Variants in TAF5L observed in about 807,000 individuals in gnomAD.
TAF5L encodes TATA-box binding protein associated factor 5 like.
A neutral mutation model predicts 51.3 loss-of-function variants in TAF5L; 7 were observed. The observed-to-expected ratio is 0.14, with a 90% confidence interval of 0.08 to 0.26. The LOEUF (loss-of-function observed/expected upper bound fraction) is 0.26, where lower values mean the gene tolerates loss of function less well. TAF5L is among the 10% of genes least tolerant of loss of function. TAF5L has a pLI of 1.00. For synonymous variants in TAF5L, 291 were observed against 308.1 expected (o/e 0.94, Z 0.58); for missense variants, 575 against 758.9 (o/e 0.76, Z 2.85).
intron 1 of TAF5L, among the ~76,000 whole-genome samples, chr1:229,622,048 T>C (rs1411351201): frequency 1.3e-5 from 2 of 149,014 alleles, no homozygotes. Flanking sequence ...TATCTATCTA[T>C]CTATCTATCT....
chr1:229,613,329 C>CAAA (rs567436350), intron 2 of TAF5L, among the ~76,000 whole-genome samples: 17 of 84,524 alleles, frequency 2.0e-4, no homozygotes, highest in African/African-American at 5.4e-4. Context: ...GACTCTGTCT[C>CAAA]AAAAAAAAAA....
At chr1:229,610,051 G>A (rs1324318657) in intron 3 of TAF5L, 55 bp downstream of exon 3, 1 of 1,487,048 alleles carries the variant, frequency 6.7e-7, no homozygotes, top group African/African-American at 1.4e-5. Flanking sequence ...GCCCAAAGTT[G>A]GTCTGTATTA....
intron 4 of TAF5L, 45 bp from the exon 5 acceptor site, chr1:229,595,139 A>G (rs1664072203): frequency 2.0e-6 from 3 of 1,528,294 alleles, no homozygotes; most frequent in South Asian, 2.6e-5. Flanking sequence ...CACACAAAAA[A>G]TGTTCAGTGG....
chr1:229,606,297 T>G, intron 3 of TAF5L: 1 of 831,246 alleles, frequency 1.2e-6, no homozygotes, highest in African/African-American at 1.8e-5. Flanking sequence ...ACTCTGTATT[T>G]TACTGAAAGT....
At chr1:229,597,967 G>A (rs1205136572) in intron 4 of TAF5L, among the ~76,000 whole-genome samples, 2 of 152,084 alleles carry the variant, frequency 1.3e-5, no homozygotes, top group African/African-American at 2.4e-5. Flanking sequence ...CTTGGGGTCT[G>A]GAATTTAGCC....
intron 4 of TAF5L, among the ~76,000 whole-genome samples, chr1:229,595,637 C>T (rs180859899): frequency 1.6e-4 from 25 of 152,172 alleles, no homozygotes; most frequent in Middle Eastern, 3.4e-3. Context: ...ATGGACACAG[C>T]GACACATGAA....
chr1:229,594,132 CGACACTGGGG>C lies in TAF5L; in HGVS notation c.*155_*164del. The C allele has an allele frequency of 1.3e-6, 1 of 774,064 alleles. No homozygotes were observed. The highest frequency in any genetic ancestry group is 1.9e-5 in the South Asian group (1 of 53,084). The allele number at this position is 774,064 out of a possible 1,614,324, so 47.9% of individuals were successfully genotyped here. The stretch of plus-strand genomic sequence containing the variant: ...TGTTCCCCTCCCCAACCTTGGCCTT[CGACACTGGGG>C]GGCTGAGTGAAGGGGGACCTGCCCG... On this transcript the variant is annotated 3_prime_UTR_variant, in exon 5 of 5. Coordinates refer to ENST00000258281, the Ensembl canonical transcript of TAF5L. This position sits in a 1 kb window ranked among gnomAD's most constrained non-coding sequence, Gnocchi z 7.9.
Position 229,602,503 on chromosome 1 carries a change from C to A in TAF5L, c.664G>T (p.Gly222Cys). ...CTGGGCATGTCGGGGGGCTCCAAAC[C>A]GTTGTTCTCACTGCGGGAGGAGCTG... is the stretch of plus-strand genomic sequence containing the variant. The change falls in exon 4 of 5, where the codon GGT (glycine) becomes TGT (cysteine). Residue 222 changes from glycine to cysteine, a missense_variant. By Grantham distance (159) the Gly-to-Cys change is radical (BLOSUM62 -3). Around this residue, in one of 3 missense-constraint regions of TAF5L, gnomAD observed 380 missense variants for 443.7 expected, o/e 0.86. Coordinates refer to ENST00000258281, the Ensembl canonical transcript of TAF5L. The surrounding 1 kb of genome is among the most constrained non-coding windows in gnomAD (Gnocchi z 4.6). 1 of 1,614,122 alleles carries A rather than the reference C, an allele frequency of 6.2e-7. No homozygotes were observed.
rs756360785 is a variant in TAF5L at position 229,602,432 on chromosome 1, G to A, written c.735C>T (p.Ser245=). 23 of 1,614,008 alleles carry A rather than the reference G, an allele frequency of 1.4e-5. No homozygotes were observed. The highest frequency in any genetic ancestry group is 1.9e-5 in the Non-Finnish European group (23 of 1,180,014). ...GAGGCCCATCCTTGACTCGCTTAATGCTCTCCTGTAAGACCTCTAGGGCAG... is the reference window on the plus strand; with the variant it reads ...GAGGCCCATCCTTGACTCGCTTAATACTCTCCTGTAAGACCTCTAGGGCAG... The change falls in exon 4 of 5, where the codon AGC becomes AGT. Residue 245 remains serine, a synonymous_variant. Coordinates refer to ENST00000258281, the Ensembl canonical transcript of TAF5L. The surrounding 1 kb of genome is among the most constrained non-coding windows in gnomAD (Gnocchi z 4.6).
chr1:229,596,299 CACAA>C (rs1188049744), intron 4 of TAF5L, among the ~76,000 whole-genome samples: 6 of 152,050 alleles, frequency 3.9e-5, no homozygotes, highest in Non-Finnish European at 8.8e-5. Context: ...CAAAAACAAA[CACAA>C]ACAAAACCCA....
intron 3 of TAF5L, among the ~76,000 whole-genome samples, chr1:229,603,703 C>T (rs1238494430): frequency 1.3e-5 from 2 of 152,168 alleles, no homozygotes; most frequent in African/African-American, 4.8e-5. Flanking sequence ...GGGAGTTTAG[C>T]GCCATGAAAC....
intron 2 of TAF5L, chr1:229,614,050 A>G (rs1664883765): frequency 8.2e-6 from 5 of 607,076 alleles, no homozygotes; most frequent in Non-Finnish European, 1.5e-5. Flanking sequence ...AGAAGGAAAA[A>G]GTTGCACGTA....
At chr1:229,618,873 C>T (rs1665102741) in intron 1 of TAF5L, among the ~76,000 whole-genome samples, 1 of 152,084 alleles carries the variant, frequency 6.6e-6, no homozygotes, top group African/African-American at 2.4e-5. Flanking sequence ...AAGAGTACTA[C>T]CTGGCTCCCC....
intron 1 of TAF5L, among the ~76,000 whole-genome samples, chr1:229,616,790 T>C (rs924066132): frequency 2.0e-4 from 30 of 152,192 alleles, no homozygotes; most frequent in African/African-American, 7.2e-4. Flanking sequence ...TACATGTAAA[T>C]ATAAAATGTT....
chr1:229,610,022 G>T, intron 3 of TAF5L, 84 bp downstream of exon 3: 1 of 1,116,354 alleles, frequency 9.0e-7, no homozygotes, highest in Non-Finnish European at 1.3e-6. Flanking sequence ...GTGGAGCAGG[G>T]CTAACTCACA....
rs939854669 is a variant in TAF5L at position 229,625,081 on chromosome 1, C to CT, written c.-4+803dup. On this transcript the variant is annotated intron_variant, in intron 1 of 4. Transcript: ENST00000258281. The surrounding 1 kb of genome is among the most constrained non-coding windows in gnomAD (Gnocchi z 4.0). The stretch of plus-strand genomic sequence containing the variant: ...CCTTCTGATCCCAGAACCACAAAGA[C>CT]TGCGAGATCCGCATTACAACGACTT... 1.3e-5 allele frequency among the ~76,000 whole-genome samples: 2 copies of CT among 152,230 alleles called. No individual in the cohort carries two copies. Among genetic ancestry groups the CT allele is most frequent in the African/African-American group, 4.8e-5 (2 of 41,448 alleles).
At chr1:229,600,314 A>T in intron 4 of TAF5L, 1 of 984,864 alleles carries the variant, frequency 1.0e-6, no homozygotes, top group Non-Finnish European at 1.2e-6. Context: ...TCTTAAGTTT[A>T]AAAAAAAGGT....
intron 1 of TAF5L, among the ~76,000 whole-genome samples, chr1:229,622,018 CATCTATCT>C (rs10578192): frequency 0.3 from 45,227 of 148,840 alleles, 6,867 homozygotes; most frequent in Admixed American, 0.35. Flanking sequence ...CATTCATCAT[CATCTATCT>C]ATCTATCTAT....
intron 3 of TAF5L, among the ~76,000 whole-genome samples, chr1:229,603,927 C>A (rs1342398340): frequency 6.6e-6 from 1 of 152,234 alleles, no homozygotes; most frequent in Non-Finnish European, 1.5e-5. Flanking sequence ...GTCACAGTCA[C>A]CAGTGCTGTC....
Sources: allele counts gnomAD v4.1 joint callset (sites outside exome capture counted in the v4.1 genomes callset), GRCh38; gene constraint gnomAD v4.1.1; regional missense constraint gnomAD v4.1.1; non-coding constraint Gnocchi (gnomAD v3.1); transcripts MANE v1.5; gene names NCBI Gene and HGNC (gene_info 2026-07-23, HGNC 2026-07-21).